The following SEMA5A variants were observed in gnomAD, a reference collection of about 807,000 sequenced individuals.
SEMA5A encodes semaphorin-5A.
SEMA5A carries 55 observed loss-of-function variants against 135.5 expected under a neutral mutation model. The observed-to-expected ratio is 0.41, with a 90% CI of 0.33 to 0.51. The LOEUF (loss-of-function observed/expected upper bound fraction) is 0.51, where lower values mean the gene tolerates loss of function less well. Among genes scored for constraint, SEMA5A ranks in the 20% least tolerant of loss-of-function variants. SEMA5A has a pLI of 0.37. For missense variants in SEMA5A, 1,290 were observed against 1,419.9 expected (o/e 0.91, Z 1.47); for synonymous variants, 580 against 546.5 (o/e 1.06, Z -0.85).
intron 4 of SEMA5A, among the ~76,000 whole-genome samples, chr5:9,336,348 G>A (rs999273389): frequency 6.6e-6 from 1 of 152,172 alleles, no homozygotes; most frequent in Non-Finnish European, 1.5e-5. Flanking sequence ...TATATCCAAT[G>A]GGAGCTACTG....
intron 3 of SEMA5A, among the ~76,000 whole-genome samples, chr5:9,346,914 G>GTATA (rs143461409): frequency 3.0e-5 from 3 of 99,170 alleles, no homozygotes; most frequent in African/African-American, 1.2e-4. Flanking sequence ...GTGTGTGTGT[G>GTATA]TATATATATA....
intron 2 of SEMA5A, among the ~76,000 whole-genome samples, chr5:9,434,098 T>A (rs147099581): frequency 0.026 from 3,890 of 152,304 alleles, 60 homozygotes; most frequent in South Asian, 0.047. Context: ...GGTCTATGAC[T>A]TTTGTGAACT....
intron 1 of SEMA5A, among the ~76,000 whole-genome samples, chr5:9,508,453 G>T (rs926842140): frequency 1.1e-4 from 16 of 152,174 alleles, no homozygotes; most frequent in Non-Finnish European, 1.9e-4. Context: ...TCTCCACGTT[G>T]CAGAAGGGAT....
At chr5:9,290,211 C>T (rs1751012148) in intron 5 of SEMA5A, among the ~76,000 whole-genome samples, 1 of 152,140 alleles carries the variant, frequency 6.6e-6, no homozygotes, top group African/African-American at 2.4e-5. Flanking sequence ...CCCTCCCACC[C>T]TTTCCTCTTA....
chr5:9,203,448 G>T (rs1037795712), intron 8 of SEMA5A, among the ~76,000 whole-genome samples: 3 of 152,130 alleles, frequency 2.0e-5, no homozygotes, highest in African/African-American at 7.2e-5. Flanking sequence ...ATGTGTGGCT[G>T]CAAGATAAGC....
chr5:9,318,955 T>C (rs1227453717), intron 4 of SEMA5A, among the ~76,000 whole-genome samples: 1 of 152,108 alleles, frequency 6.6e-6, no homozygotes, highest in Non-Finnish European at 1.5e-5. Flanking sequence ...TCCCAGCACT[T>C]TGGGAGGCTG....
At chr5:9,139,275 C>T (rs754064887) in intron 12 of SEMA5A, among the ~76,000 whole-genome samples, 1 of 152,090 alleles carries the variant, frequency 6.6e-6, no homozygotes, top group Non-Finnish European at 1.5e-5. Context: ...GGCTGCAGTG[C>T]TCATTTTTGT....
intron 22 of SEMA5A, 147 bp downstream of exon 22, chr5:9,044,226 G>A (rs543559516): frequency 2.7e-4 from 185 of 688,878 alleles, no homozygotes; most frequent in African/African-American, 1.0e-3. Context: ...ACCTGAAGTC[G>A]TAAGGACTAA....
At chr5:9,322,404 T>C (rs924467417) in intron 4 of SEMA5A, among the ~76,000 whole-genome samples, 33 of 152,080 alleles carry the variant, frequency 2.2e-4, no homozygotes, top group African/African-American at 6.3e-4. Context: ...GCATGCTTAC[T>C]AGGAAAAATA....
chr5:9,114,266 A>G (rs1740393868), intron 15 of SEMA5A, among the ~76,000 whole-genome samples: 3 of 152,232 alleles, frequency 2.0e-5, no homozygotes, highest in Admixed American at 2.0e-4. Flanking sequence ...GTAGAGACAG[A>G]ACATAAATTA....
intron 1 of SEMA5A, among the ~76,000 whole-genome samples, chr5:9,541,576 A>G (rs1443364767): frequency 1.3e-5 from 2 of 152,228 alleles, no homozygotes; most frequent in East Asian, 3.8e-4. Flanking sequence ...GTTTAAAAAC[A>G]GAATGATTTT....
At chr5:9,325,327 C>T (rs1528056) in intron 4 of SEMA5A, among the ~76,000 whole-genome samples, 151,957 of 152,168 alleles carry the variant, frequency 1, 75,874 homozygotes, top group Middle Eastern at 1. Flanking sequence ...GGAGTAATAA[C>T]ATATGAGGAG....
intron 1 of SEMA5A, among the ~76,000 whole-genome samples, chr5:9,493,927 G>T (rs1735167054): frequency 6.6e-6 from 1 of 152,150 alleles, no homozygotes; most frequent in Admixed American, 6.5e-5. Context: ...TCAATGCAAA[G>T]AATGTAAGGT....
chr5:9,226,777 G>T, intron 7 of SEMA5A, 92 bp downstream of exon 7: 2 of 930,608 alleles, frequency 2.1e-6, no homozygotes, highest in African/African-American at 1.7e-5. Context: ...CAACACCTTG[G>T]TGTATAGAAA....
At chr5:9,079,298 C>T (rs1376331709) in intron 16 of SEMA5A, among the ~76,000 whole-genome samples, 5 of 152,096 alleles carry the variant, frequency 3.3e-5, no homozygotes, top group African/African-American at 1.2e-4. Flanking sequence ...GAACAACCTG[C>T]TCTTGAATGA....
rs201512737 is a variant in SEMA5A at position 9,139,940 on chromosome 5, T to C, written c.1482-3319A>G. Among the ~76,000 whole-genome samples the C allele has an allele frequency of 4.0e-5, 6 of 151,360 alleles. No homozygotes were observed. The East Asian group carries it at 1.2e-3, about 29-fold the overall frequency. On this transcript the variant is annotated intron_variant, in intron 12 of 22. Coordinates refer to ENST00000382496, the MANE Select transcript of SEMA5A (RefSeq NM_003966.3). ...CTATCCTTTATCCACTTGAAATGTA[T>C]TTTTCTCCTCCTCATAAACAAACAA...
intron 20 of SEMA5A, 22 bp downstream of exon 20, chr5:9,051,851 T>C (rs1235631612): frequency 1.9e-6 from 3 of 1,613,816 alleles, no homozygotes; most frequent in Non-Finnish European, 2.5e-6. Context: ...TTATTCTTAC[T>C]GATAAATACC....
intron 2 of SEMA5A, among the ~76,000 whole-genome samples, chr5:9,382,151 T>C (rs1443801565): frequency 6.6e-6 from 1 of 151,956 alleles, no homozygotes; most frequent in Non-Finnish European, 1.5e-5. Flanking sequence ...AAACTAAAAA[T>C]TAGCCAGGCA....
intron 16 of SEMA5A, among the ~76,000 whole-genome samples, chr5:9,076,337 T>C (rs1193817145): frequency 6.6e-6 from 1 of 152,034 alleles, no homozygotes; most frequent in Non-Finnish European, 1.5e-5. Flanking sequence ...TTCACTTATA[T>C]GCCAGAGCCA....
Sources: gnomAD v4.1 joint callset for allele counts (sites outside exome capture counted in the v4.1 genomes callset) on GRCh38, gnomAD v4.1.1 for gene constraint, MANE v1.5 for transcripts, NCBI Gene and HGNC (gene_info 2026-07-23, HGNC 2026-07-21) for gene names.